Variants in HTR3A observed in about 807,000 individuals in gnomAD.
HTR3A encodes the protein 5-hydroxytryptamine receptor 3A.
In HTR3A, 45 loss-of-function variants were observed where a neutral mutation model predicts 54.8. The ratio of observed to expected loss-of-function variants is 0.82; its 90% confidence interval spans 0.65 to 1.05. HTR3A has a LOEUF of 1.05. Ranked by LOEUF, HTR3A falls within the 50% of genes least tolerant of loss-of-function variation. The probability of loss-of-function intolerance (pLI) is 0.00; values close to 1 mark genes in which losing one functional copy is unlikely to be tolerated. For missense variants in HTR3A, 657 were observed against 614.0 expected (o/e 1.07, Z -0.74); for synonymous variants, 297 against 256.0 (o/e 1.16, Z -1.53).
intron 2 of HTR3A, among the ~76,000 whole-genome samples, chr11:113,978,434 T>C (rs1591600605): frequency 6.6e-6 from 1 of 152,208 alleles, no homozygotes; most frequent in East Asian, 1.9e-4. Context: ...AGAGATGCAG[T>C]GGCTCTGTGT....
chr11:113,975,146 T>G lies in HTR3A; in HGVS notation c.-180T>G, dbSNP rs1297349799. On this transcript the variant is annotated 5_prime_UTR_variant, in exon 1 of 9. Transcript: ENST00000504030. ...GCTGAAGGACTGATTGCAGGAAAAC[T>G]TGGCAGCTCCCCAACCTTGGTGGCC... 5.7e-6 allele frequency: 4 copies of G among 705,106 alleles called. No individual in the cohort carries two copies. The highest frequency in any genetic ancestry group is 5.4e-5 in the East Asian group (2 of 37,272). 43.7% of individuals were successfully genotyped at this position (705,106 alleles called of 1,614,324 possible).
At chr11:113,978,671 T>C (rs1052350954) in intron 2 of HTR3A, among the ~76,000 whole-genome samples, 23 of 152,172 alleles carry the variant, frequency 1.5e-4, no homozygotes, top group Admixed American at 8.5e-4. Flanking sequence ...GCTCCCGGCA[T>C]TATATGTATA....
At chr11:113,984,105 C>G (rs953331400) in intron 5 of HTR3A, among the ~76,000 whole-genome samples, 2 of 152,132 alleles carry the variant, frequency 1.3e-5, no homozygotes, top group African/African-American at 4.8e-5. Context: ...TCCTCCCTCT[C>G]CCAACTTGCC....
At chr11:113,985,609 A>G (rs1950479508) in intron 5 of HTR3A, among the ~76,000 whole-genome samples, 1 of 152,164 alleles carries the variant, frequency 6.6e-6, no homozygotes, top group Non-Finnish European at 1.5e-5. Context: ...AGGCAGTTCC[A>G]TCAAGGCAAA....
Position 113,987,034 on chromosome 11 carries a change from G to A in HTR3A, c.1126G>A (p.Asp376Asn). The change falls in exon 8 of 9, where the codon GAT (aspartate) becomes AAT (asparagine). Residue 376 changes from aspartate (D) to asparagine (N), a missense_variant. Transcript: ENST00000504030. ...PPATSQATKTDDCSAMGNHCS... is the reference protein window; with the variant it reads ...PPATSQATKTNDCSAMGNHCS... ...AGCCACCTCCCAAGCCACCAAGACTGATGACTGCTCAGGTGAGAAACAGAA... is the reference window on the plus strand; with the variant it reads ...AGCCACCTCCCAAGCCACCAAGACTAATGACTGCTCAGGTGAGAAACAGAA... 1.2e-6 allele frequency: 2 copies of A among 1,613,618 alleles called. No homozygotes were observed. The highest frequency in any genetic ancestry group is 1.7e-6 in the Non-Finnish European group (2 of 1,179,994).
rs567974711 is a variant in HTR3A at position 113,977,710 on chromosome 11, C to G, written c.68-61C>G. 1.4e-3 allele frequency: 2,173 copies of G among 1,586,060 alleles called. 2 individuals carry two copies. Among genetic ancestry groups the G allele is most frequent in the Non-Finnish European group, 1.7e-3 (2,013 of 1,164,420 alleles). On this transcript the variant is annotated intron_variant, in intron 1 of 8. Coordinates refer to ENST00000504030, the MANE Select transcript of HTR3A (RefSeq NM_000869.6). ...TCTTTTAACAGCTTACAAACCAGGA[C>G]AAGAGAACCGGGGGAAGTCTTGGGG...
chr11:113,983,844 G>A (rs939050089), intron 5 of HTR3A, among the ~76,000 whole-genome samples: 3 of 152,042 alleles, frequency 2.0e-5, no homozygotes, highest in African/African-American at 7.3e-5. Flanking sequence ...CTAAATTTGC[G>A]ATTCTCACAG....
Position 113,975,175 on chromosome 11 carries a change from G to A in HTR3A, c.-151G>A, listed in dbSNP as rs903948087. 6.7e-6 allele frequency: 5 copies of A among 741,912 alleles called. No homozygotes were observed. The Admixed American group carries it at 8.0e-5, about 12-fold the overall frequency. 46.0% of individuals were successfully genotyped at this position (741,912 alleles called of 1,614,324 possible). ...CAGCTCCCCAACCTTGGTGGCCCAG[G>A]GAGTGTGAGGCTGCAGCCTCAGAAG... is the stretch of plus-strand genomic sequence containing the variant. On this transcript the variant is annotated 5_prime_UTR_variant, in exon 1 of 9. Transcript: ENST00000504030.
At chr11:113,985,251 T>C (rs1430446654) in intron 5 of HTR3A, among the ~76,000 whole-genome samples, 3 of 152,196 alleles carry the variant, frequency 2.0e-5, no homozygotes, top group African/African-American at 7.2e-5. Flanking sequence ...TATATTATTA[T>C]ATACTACTAC....
In HTR3A at chr11:113,986,838, G is replaced by C. The variant is rs771728923; in HGVS notation, c.930G>C (p.Val310=). 6.2e-7 allele frequency: 1 copy of C among 1,614,058 alleles called. No homozygotes were observed. Among genetic ancestry groups the C allele is most frequent in the Non-Finnish European group, 8.5e-7 (1 of 1,180,008 alleles). The stretch of plus-strand genomic sequence containing the variant: ...TGGGCTGCACAGGTGTCTACTTTGT[G>C]GTGTGCATGGCTCTGCTGGTGATAA... ...IGTPLIGVYF[V]VCMALLVISL... The change falls in exon 8 of 9, where the codon GTG becomes GTC. Residue 310 remains valine (V), a synonymous_variant. Transcript: ENST00000504030.
intron 1 of HTR3A, among the ~76,000 whole-genome samples, chr11:113,976,201 G>C (rs562443975): frequency 6.6e-6 from 1 of 152,172 alleles, no homozygotes; most frequent in African/African-American, 2.4e-5. Context: ...GGGAGCGGTC[G>C]TTTGGGAGTG....
At position 113,989,419 on chromosome 11, in the gene HTR3A, C is replaced by A. The variant is rs759319736; in HGVS notation, c.1139-46C>A. The A allele has an allele frequency of 1.2e-6, 2 of 1,608,970 alleles. No homozygotes were observed. Among genetic ancestry groups the A allele is most frequent in the East Asian group, 2.2e-5 (1 of 44,876 alleles). ...AGCATAAGGAACCATGTTCAGGTCA[C>A]CACCCGGGGTCTCCCTCTCTTGCCA... is the stretch of plus-strand genomic sequence containing the variant. On this transcript the variant is annotated intron_variant, in intron 8 of 8. Transcript: ENST00000504030. This position sits in a 1 kb window ranked among gnomAD's most constrained non-coding sequence, Gnocchi z 4.4.
chr11:113,976,266 C>G (rs1003220195), intron 1 of HTR3A, among the ~76,000 whole-genome samples: 2 of 152,010 alleles, frequency 1.3e-5, no homozygotes, highest in Non-Finnish European at 2.9e-5. Context: ...CGAGGGCTTC[C>G]TTGACTGAGA....
At chr11:113,978,530 C>T (rs1286310713) in intron 2 of HTR3A, among the ~76,000 whole-genome samples, 1 of 152,166 alleles carries the variant, frequency 6.6e-6, no homozygotes, top group Non-Finnish European at 1.5e-5. Context: ...GTCAGCCCTC[C>T]TGACTAATTT....
intron 4 of HTR3A, among the ~76,000 whole-genome samples, chr11:113,982,508 C>G (rs766955730): frequency 6.6e-6 from 1 of 152,198 alleles, no homozygotes; most frequent in Non-Finnish European, 1.5e-5. Flanking sequence ...GAGGGCTCAG[C>G]CTACTCCATG....
chr11:113,983,419 A>G (rs1349642935), intron 5 of HTR3A, 130 bp downstream of exon 5: 4 of 909,288 alleles, frequency 4.4e-6, no homozygotes, highest in Non-Finnish European at 7.2e-6. Context: ...CTGCTTCCTC[A>G]TCCTCTGCAT....
chr11:113,986,412 T>A, intron 6 of HTR3A, 106 bp from the exon 7 acceptor site: 1 of 1,345,094 alleles, frequency 7.4e-7, no homozygotes, highest in Non-Finnish European at 1.0e-6. Flanking sequence ...CTCTGAGCAA[T>A]CCAGGCTGGA....
At chr11:113,983,380 C>G (rs1223585452) in intron 5 of HTR3A, 91 bp downstream of exon 5, 2 of 1,336,666 alleles carry the variant, frequency 1.5e-6, no homozygotes, top group African/African-American at 2.9e-5. Context: ...CGCCTTCTCA[C>G]GTATCCAGCC....
chr11:113,985,924 T>C (rs1007003396), intron 5 of HTR3A, 91 bp from the exon 6 acceptor site: 3 of 1,411,782 alleles, frequency 2.1e-6, no homozygotes, highest in Non-Finnish European at 3.0e-6. Flanking sequence ...TCAGCTCCCC[T>C]TAATTGCTGC....
Sources: allele counts gnomAD v4.1 joint callset (sites outside exome capture counted in the v4.1 genomes callset), GRCh38; gene constraint gnomAD v4.1.1; non-coding constraint Gnocchi (gnomAD v3.1); transcripts MANE v1.5; gene names NCBI Gene and HGNC (gene_info 2026-07-23, HGNC 2026-07-21).